The following XRRA1 variants were observed in gnomAD, a reference collection of about 807,000 sequenced individuals.
XRRA1 encodes X-ray radiation resistance associated 1.
A neutral mutation model predicts 80.2 loss-of-function variants in XRRA1; 69 were observed. That is an observed-to-expected ratio of 0.86 (90% CI 0.71 to 1.05). The LOEUF is 1.05. XRRA1 is among the 50% of genes least tolerant of loss of function. The pLI, the probability that XRRA1 is intolerant of heterozygous loss-of-function variation, is 0.00. For synonymous variants in XRRA1, 348 were observed against 389.9 expected (o/e 0.89, Z 1.27); for missense variants, 967 against 976.4 (o/e 0.99, Z 0.13).
intron 16 of XRRA1, among the ~76,000 whole-genome samples, 151 bp from the exon 17 acceptor site, chr11:74,844,434 G>A (rs1328525383): frequency 6.6e-6 from 1 of 152,060 alleles, no homozygotes; most frequent in East Asian, 1.9e-4. Flanking sequence ...GGTTTCTTCC[G>A]GATCTGTTCC....
intron 6 of XRRA1, among the ~76,000 whole-genome samples, 175 bp from the exon 7 acceptor site, chr11:74,927,663 A>T (rs1942590401): frequency 6.6e-6 from 1 of 152,234 alleles, no homozygotes; most frequent in Non-Finnish European, 1.5e-5. Context: ...TACTACTTCC[A>T]TTCTATGGCT....
At chr11:74,875,520 A>G (rs987579444) in intron 10 of XRRA1, among the ~76,000 whole-genome samples, 1 of 152,120 alleles carries the variant, frequency 6.6e-6, no homozygotes, top group African/African-American at 2.4e-5. Flanking sequence ...GTGCCCAGAG[A>G]TTTTTCAGGA....
chr11:74,883,776 G>A (rs1357378790), intron 10 of XRRA1, among the ~76,000 whole-genome samples: 1 of 152,170 alleles, frequency 6.6e-6, no homozygotes, highest in Non-Finnish European at 1.5e-5. Context: ...ACCCCTACCA[G>A]CTGTAGTGTT....
chr11:74,880,078 G>A (rs2047135758), intron 10 of XRRA1, among the ~76,000 whole-genome samples: 1 of 152,160 alleles, frequency 6.6e-6, no homozygotes, highest in Admixed American at 6.5e-5. Flanking sequence ...GAATTCGGCT[G>A]TGAATCCATC....
At chr11:74,935,301 A>G (rs1412934722) in intron 4 of XRRA1, among the ~76,000 whole-genome samples, 1 of 152,262 alleles carries the variant, frequency 6.6e-6, no homozygotes, top group Non-Finnish European at 1.5e-5. Context: ...AGAGGACAAG[A>G]TAACATGTAA....
At chr11:74,870,342 G>A (rs974030372) in intron 10 of XRRA1, among the ~76,000 whole-genome samples, 3 of 152,160 alleles carry the variant, frequency 2.0e-5, no homozygotes, top group Admixed American at 6.5e-5. Flanking sequence ...GGTGTTACCC[G>A]AAGGCTTCTG....
intron 3 of XRRA1, among the ~76,000 whole-genome samples, chr11:74,938,802 C>A (rs1215686773): frequency 6.6e-6 from 1 of 152,040 alleles, no homozygotes; most frequent in African/African-American, 2.4e-5. Context: ...AGCTTGCCAG[C>A]CTGCCCTACG....
At chr11:74,920,311 A>G (rs1347388643) in intron 8 of XRRA1, among the ~76,000 whole-genome samples, 1 of 152,192 alleles carries the variant, frequency 6.6e-6, no homozygotes, top group East Asian at 1.9e-4. Flanking sequence ...GATCACTACT[A>G]TTATCTCAAC....
intron 11 of XRRA1, among the ~76,000 whole-genome samples, chr11:74,861,770 C>A (rs2042363132): frequency 6.6e-6 from 1 of 152,124 alleles, no homozygotes; most frequent in South Asian, 2.1e-4. Flanking sequence ...TAAGTATAAC[C>A]CTTTCCTGAG....
chr11:74,939,869 G>C (rs1009789326), intron 3 of XRRA1, among the ~76,000 whole-genome samples: 3 of 151,746 alleles, frequency 2.0e-5, no homozygotes, highest in African/African-American at 7.3e-5. Context: ...GAGAGCGAGA[G>C]CAAGAGAGAG....
At chr11:74,905,159 C>T (rs1277931206) in intron 10 of XRRA1, among the ~76,000 whole-genome samples, 1 of 152,040 alleles carries the variant, frequency 6.6e-6, no homozygotes, top group Non-Finnish European at 1.5e-5. Flanking sequence ...CCTGCCTCAG[C>T]CCCCAGTAGC....
intron 10 of XRRA1, among the ~76,000 whole-genome samples, chr11:74,884,630 T>G (rs2048564149): frequency 6.6e-6 from 1 of 152,212 alleles, no homozygotes; most frequent in Non-Finnish European, 1.5e-5. Flanking sequence ...AGCTATTCTT[T>G]CTTTCACCTA....
At chr11:74,932,593 G>A (rs1341712096) in intron 5 of XRRA1, among the ~76,000 whole-genome samples, 2 of 152,148 alleles carry the variant, frequency 1.3e-5, no homozygotes, top group Admixed American at 1.3e-4. Flanking sequence ...AGAACATACG[G>A]TATCCAATGA....
rs1591574696 is a variant in XRRA1 at position 74,852,228 on chromosome 11, T to C, written c.1171-146A>G. 3.8e-5 allele frequency: 25 copies of C among 650,962 alleles called. No homozygotes were observed. The East Asian group carries it at 6.6e-4, about 17-fold the overall frequency. 40.3% of individuals were successfully genotyped at this position (650,962 alleles called of 1,614,324 possible). ...ACATGCTGCTGTGGATGGGACTCAC[T>C]GCTGGGTGATGCCTTGACCCTGTAA... is the stretch of plus-strand genomic sequence containing the variant. On this transcript the variant is annotated intron_variant, in intron 12 of 18. Transcript: ENST00000684022.
intron 10 of XRRA1, among the ~76,000 whole-genome samples, chr11:74,887,479 A>G (rs2049327596): frequency 6.6e-6 from 1 of 152,206 alleles, no homozygotes; most frequent in African/African-American, 2.4e-5. Context: ...GCTCCAGTCT[A>G]CAGCTCCCAG....
At chr11:74,917,865 G>T (rs1348577789) in intron 8 of XRRA1, among the ~76,000 whole-genome samples, 1 of 151,912 alleles carries the variant, frequency 6.6e-6, no homozygotes, top group Non-Finnish European at 1.5e-5. Flanking sequence ...CCAGCCACTT[G>T]CATTTCTCAT....
At chr11:74,879,590 T>A in intron 10 of XRRA1, among the ~76,000 whole-genome samples, 1 of 152,156 alleles carries the variant, frequency 6.6e-6, no homozygotes, top group Non-Finnish European at 1.5e-5. Context: ...AGTATGATAT[T>A]GGCTGTGGGT....
intron 12 of XRRA1, among the ~76,000 whole-genome samples, chr11:74,856,784 G>T (rs1198098750): frequency 6.6e-6 from 1 of 152,170 alleles, no homozygotes; most frequent in African/African-American, 2.4e-5. Context: ...AAGGCAGGGG[G>T]CCTTACCAAC....
In XRRA1 at chr11:74,926,610, T is replaced by A. The variant is rs891839584; in HGVS notation, c.522+781A>T. The stretch of plus-strand genomic sequence containing the variant: ...CATATGTTGTCCTTTACTACTGCCG[T>A]GACTCTCAGGTAGTGACAAAAGCTT... On this transcript the variant is annotated intron_variant, in intron 7 of 18. Transcript: ENST00000684022. Among the ~76,000 whole-genome samples the A allele has an allele frequency of 2.0e-5, 3 of 152,194 alleles. No individual in the cohort carries two copies. In the South Asian group the frequency reaches 6.2e-4, roughly 32 times the overall value.
Sources: gnomAD v4.1 joint callset for allele counts (sites outside exome capture counted in the v4.1 genomes callset) on GRCh38, gnomAD v4.1.1 for gene constraint, MANE v1.5 for transcripts, NCBI Gene and HGNC (gene_info 2026-07-23, HGNC 2026-07-21) for gene names.